SH3D19: variants seen among roughly 807,000 people sequenced by gnomAD.
SH3D19 encodes the protein SH3 domain-containing protein 19.
A neutral mutation model predicts 112.1 loss-of-function variants in SH3D19; 58 were observed. That is an observed-to-expected ratio of 0.52 (90% CI 0.42 to 0.64). The LOEUF is 0.64. Among genes scored for constraint, SH3D19 ranks in the 30% least tolerant of loss-of-function variants. The probability of loss-of-function intolerance (pLI) is 0.00; values close to 1 mark genes in which losing one functional copy is unlikely to be tolerated. For synonymous variants in SH3D19, 391 were observed against 448.5 expected (o/e 0.87, Z 1.62); for missense variants, 1,090 against 1,263.4 (o/e 0.86, Z 2.08).
chr4:151,137,981 C>T, intron 13 of SH3D19, 119 bp from the exon 14 acceptor site: 2 of 710,750 alleles, frequency 2.8e-6, no homozygotes, highest in Non-Finnish European at 4.2e-6. Context: ...ATTCTGAGAA[C>T]AGATTATACT....
chr4:151,267,157 T>TAAA (rs1378855145), intron 1 of SH3D19, among the ~76,000 whole-genome samples: 11 of 57,298 alleles, frequency 1.9e-4, no homozygotes, highest in African/African-American at 3.6e-4. Flanking sequence ...AGTCTCTCTC[T>TAAA]AAAAAAAAAA....
At chr4:151,257,644 C>T (rs956043908) in intron 1 of SH3D19, among the ~76,000 whole-genome samples, 2 of 152,018 alleles carry the variant, frequency 1.3e-5, no homozygotes, top group Admixed American at 1.3e-4. Context: ...TGGCTGGGTG[C>T]GGTGGCTCAA....
At chr4:151,167,590 T>C (rs1025485893) in intron 7 of SH3D19, among the ~76,000 whole-genome samples, 10 of 152,210 alleles carry the variant, frequency 6.6e-5, no homozygotes, top group Non-Finnish European at 8.8e-5. Flanking sequence ...TTTGTAGCAG[T>C]TTTGTTCATT....
chr4:151,131,487 C>T (rs11934680), intron 17 of SH3D19, among the ~76,000 whole-genome samples: 124,733 of 143,828 alleles, frequency 0.87, 53,374 homozygotes, highest in Non-Finnish European at 0.91. Flanking sequence ...TTCTTTTTTT[C>T]TTTTTTTCTT....
At chr4:151,124,631 T>G (rs1222844417) in intron 19 of SH3D19, among the ~76,000 whole-genome samples, 1 of 151,914 alleles carries the variant, frequency 6.6e-6, no homozygotes, top group African/African-American at 2.4e-5. Flanking sequence ...GGCGGGAGAA[T>G]TGCTGGAATC....
Position 151,131,303 on chromosome 4 carries a change from T to C in SH3D19, c.2742+1028A>G, listed in dbSNP as rs866661286. Among the ~76,000 whole-genome samples, 15 of 152,210 alleles carry C rather than the reference T, an allele frequency of 9.9e-5. 1 individual carries two copies. The South Asian group carries it at 1.7e-3, about 17-fold the overall frequency. On this transcript the variant is annotated intron_variant, in intron 17 of 19. Coordinates refer to ENST00000604030, the MANE Select transcript of SH3D19 (RefSeq NM_001378122.1). ...TAAGAATGTGTACTTTCTCTCTTTT[T>C]TTTTTAACACTCACATGCTTATAAT...
At chr4:151,129,421 G>A (rs1295179059) in intron 17 of SH3D19, among the ~76,000 whole-genome samples, 1 of 152,190 alleles carries the variant, frequency 6.6e-6, no homozygotes, top group Non-Finnish European at 1.5e-5. Context: ...CCAGGCTGAA[G>A]GGCAATGATG....
At chr4:151,258,703 G>A (rs1226310248) in intron 1 of SH3D19, among the ~76,000 whole-genome samples, 1 of 152,208 alleles carries the variant, frequency 6.6e-6, no homozygotes, top group Non-Finnish European at 1.5e-5. Flanking sequence ...CTGCACTTCT[G>A]AAGTCTGGTC....
At chr4:151,291,583 C>A (rs1264817102) in intron 1 of SH3D19, 5 of 628,700 alleles carry the variant, frequency 8.0e-6, no homozygotes, top group Non-Finnish European at 8.3e-6. Flanking sequence ...ACTGTCACTT[C>A]TGTACATTCT....
At chr4:151,203,016 G>T (rs142986107) in intron 2 of SH3D19, among the ~76,000 whole-genome samples, 192 of 152,270 alleles carry the variant, frequency 1.3e-3, no homozygotes, top group African/African-American at 4.3e-3. Flanking sequence ...GGGATTGAAG[G>T]GGGAGAGGAG....
chr4:151,261,882 G>C (rs1241050285), intron 1 of SH3D19, among the ~76,000 whole-genome samples: 1 of 152,134 alleles, frequency 6.6e-6, no homozygotes, highest in African/African-American at 2.4e-5. Flanking sequence ...GTGGATAGGG[G>C]AAGGAGACAT....
rs1232738700 is a variant in SH3D19 at position 151,283,169 on chromosome 4, C to T, written c.112+42072G>A. 9 of 1,613,886 alleles carry T rather than the reference C, an allele frequency of 5.6e-6. No homozygotes were observed. In the African/African-American group the frequency reaches 8.0e-5, roughly 14 times the overall value. On this transcript the variant is annotated intron_variant, in intron 1 of 19. Transcript: ENST00000604030. ...AAGCAGAAGTACCCATTATTGACCGCCAGGCTTGTGAACAGCTCTACAATC... is the reference window on the plus strand; with the variant it reads ...AAGCAGAAGTACCCATTATTGACCGTCAGGCTTGTGAACAGCTCTACAATC...
intron 1 of SH3D19, among the ~76,000 whole-genome samples, chr4:151,232,649 G>A (rs1444835439): frequency 6.6e-6 from 1 of 152,116 alleles, no homozygotes; most frequent in Non-Finnish European, 1.5e-5. Context: ...GAATTAAAGG[G>A]TATGAAAGGT....
intron 1 of SH3D19, among the ~76,000 whole-genome samples, chr4:151,275,845 A>C (rs140552181): frequency 1.0e-5 from 1 of 97,418 alleles, no homozygotes; most frequent in South Asian, 3.3e-4. Context: ...TATTATTATT[A>C]TTATTTTTTT....
At chr4:151,132,930 TA>T in intron 16 of SH3D19, 103 bp downstream of exon 16, 1 of 1,004,444 alleles carries the variant, frequency 1.0e-6, no homozygotes, top group Non-Finnish European at 1.4e-6. Flanking sequence ...CCTTCTACCG[TA>T]AAAATATGGC....
intron 7 of SH3D19, among the ~76,000 whole-genome samples, chr4:151,171,546 T>G (rs890436819): frequency 9.9e-5 from 15 of 152,124 alleles, no homozygotes; most frequent in African/African-American, 3.4e-4. Flanking sequence ...CAGCACCAAT[T>G]ATTCCACACC....
At position 151,131,540 on chromosome 4, in the gene SH3D19, G is replaced by A. The variant is rs552016604; in HGVS notation, c.2742+791C>T. ...CTTGCTCTGTCTCCCAGGCGGGAGT[G>A]CAGTGGCGCAATCTTGGCTCACTGC... On this transcript the variant is annotated intron_variant, in intron 17 of 19. Coordinates refer to ENST00000604030, the MANE Select transcript of SH3D19 (RefSeq NM_001378122.1). Among the ~76,000 whole-genome samples the A allele has an allele frequency of 1.3e-4, 20 of 148,866 alleles. No individual in the cohort carries two copies. The South Asian group carries it at 3.8e-3, about 28-fold the overall frequency.
intron 2 of SH3D19, among the ~76,000 whole-genome samples, chr4:151,219,117 T>G (rs1386831953): frequency 1.3e-5 from 2 of 152,182 alleles, no homozygotes; most frequent in East Asian, 3.8e-4. Context: ...CCTAGTCCCA[T>G]CTGTGTACTT....
At chr4:151,258,895 G>A (rs1772151704) in intron 1 of SH3D19, among the ~76,000 whole-genome samples, 1 of 152,090 alleles carries the variant, frequency 6.6e-6, no homozygotes, top group South Asian at 2.1e-4. Context: ...GGCACTGCTG[G>A]CTATGCATTC....
Sources: allele counts gnomAD v4.1 joint callset (sites outside exome capture counted in the v4.1 genomes callset), GRCh38; gene constraint gnomAD v4.1.1; transcripts MANE v1.5; gene names NCBI Gene and HGNC (gene_info 2026-07-23, HGNC 2026-07-21).